Variants in GRIN2A observed in about 807,000 individuals in gnomAD.
The protein encoded by GRIN2A is glutamate receptor ionotropic, NMDA 2A.
GRIN2A carries 22 observed loss-of-function variants against 113.4 expected under a neutral mutation model. The observed-to-expected ratio is 0.19, with a 90% CI of 0.14 to 0.28. The LOEUF (loss-of-function observed/expected upper bound fraction) is 0.28, where lower values mean the gene tolerates loss of function less well. GRIN2A is among the 10% of genes least tolerant of loss of function. The probability of loss-of-function intolerance (pLI) is 1.00; values close to 1 mark genes in which losing one functional copy is unlikely to be tolerated. For missense variants in GRIN2A, 1,502 were observed against 1,887.0 expected, an observed-to-expected ratio of 0.80 and a Z score of 3.78; for synonymous variants, 827 against 738.4, an observed-to-expected ratio of 1.12 and a Z score of -1.94.
intron 11 of GRIN2A, among the ~76,000 whole-genome samples, chr16:9,787,974 G>A (rs1902333371): frequency 6.6e-6 from 1 of 152,230 alleles, no homozygotes; most frequent in Admixed American, 6.5e-5. Flanking sequence ...CTCCAAGGCA[G>A]GAGTGAGTCA....
intron 2 of GRIN2A, among the ~76,000 whole-genome samples, chr16:9,960,271 G>A (rs543744321): frequency 2.0e-5 from 3 of 152,296 alleles, no homozygotes; most frequent in South Asian, 2.1e-4. Context: ...GAGATTACAT[G>A]AAAAAGTTGG....
chr16:9,906,879 G>A (rs1054030575), intron 3 of GRIN2A, among the ~76,000 whole-genome samples: 3 of 152,200 alleles, frequency 2.0e-5, no homozygotes, highest in South Asian at 2.1e-4. Flanking sequence ...GTCTTGCTGT[G>A]TTGCCCAGGC....
chr16:10,180,263 T>C lies in GRIN2A; in HGVS notation c.149A>G (p.Glu50Gly), dbSNP rs1171000379. 1 of 1,613,782 alleles carries C rather than the reference T, an allele frequency of 6.2e-7. No homozygotes were observed. The highest frequency in any genetic ancestry group is 8.5e-7 in the Non-Finnish European group (1 of 1,180,000). The change falls in exon 2 of 13, where the codon GAA becomes GGA. Residue 50 changes from glutamate to glycine, a missense_variant. By Grantham distance (98) the Glu-to-Gly change is moderately conservative (BLOSUM62 -2). Transcript: ENST00000330684. The surrounding 1 kb of genome is among the most constrained non-coding windows in gnomAD (Gnocchi z 7.0). ...CTCGGGGCCCCACAGTGTTCGAAGT[T>C]CGCGCTCTGTCACGTCGTGGCTGTG... ...LGHSHDVTER[E>G]LRTLWGPEQA...
intron 2 of GRIN2A, among the ~76,000 whole-genome samples, chr16:9,986,624 G>A (rs1047476960): frequency 4.6e-5 from 7 of 151,894 alleles, no homozygotes; most frequent in African/African-American, 1.7e-4. Flanking sequence ...AATTAGCCAG[G>A]CGTGCTGGCG....
intron 10 of GRIN2A, among the ~76,000 whole-genome samples, chr16:9,815,021 CAAAAAAAAA>C (rs60827287): frequency 1.2e-4 from 9 of 76,340 alleles, no homozygotes; most frequent in South Asian, 5.2e-4. Flanking sequence ...AACTCCGTTT[CAAAAAAAAA>C]AAAAAAAAAA....
chr16:9,801,794 G>T (rs191003731), intron 10 of GRIN2A, among the ~76,000 whole-genome samples: 180 of 152,286 alleles, frequency 1.2e-3, no homozygotes, highest in Non-Finnish European at 2.3e-3. Context: ...TCTGGCCATG[G>T]AGGCACACAA....
At chr16:9,773,143 T>G (rs1472872712) in intron 11 of GRIN2A, among the ~76,000 whole-genome samples, 1 of 152,240 alleles carries the variant, frequency 6.6e-6, no homozygotes, top group African/African-American at 2.4e-5. Context: ...TTTGATATTT[T>G]TCGTGGCCTG....
chr16:9,781,573 C>A (rs1013506416), intron 11 of GRIN2A, among the ~76,000 whole-genome samples: 5 of 152,114 alleles, frequency 3.3e-5, no homozygotes, highest in Non-Finnish European at 7.4e-5. Context: ...GTTGCCCAGG[C>A]TAGTCTTGAA....
intron 11 of GRIN2A, among the ~76,000 whole-genome samples, chr16:9,777,565 C>A (rs902189144): frequency 5.3e-5 from 8 of 152,184 alleles, no homozygotes. Flanking sequence ...TTAAATGTAT[C>A]CAGTTAGAGG....
At chr16:10,117,800 C>T (rs1001783220) in intron 2 of GRIN2A, among the ~76,000 whole-genome samples, 1 of 152,198 alleles carries the variant, frequency 6.6e-6, no homozygotes, top group Non-Finnish European at 1.5e-5. Flanking sequence ...AAAAAATACA[C>T]AGGTTCATTC....
At chr16:9,966,170 G>T (rs1405315436) in intron 2 of GRIN2A, among the ~76,000 whole-genome samples, 2 of 152,100 alleles carry the variant, frequency 1.3e-5, no homozygotes, top group African/African-American at 4.8e-5. Flanking sequence ...TGTTACACAG[G>T]TAAACTTGTG....
chr16:9,953,779 G>C (rs1390611925), intron 2 of GRIN2A, among the ~76,000 whole-genome samples: 1 of 152,160 alleles, frequency 6.6e-6, no homozygotes, highest in African/African-American at 2.4e-5. Flanking sequence ...TGTCCAGGAA[G>C]ACAAAGGCTG....
intron 2 of GRIN2A, among the ~76,000 whole-genome samples, chr16:10,016,102 G>C (rs916237448): frequency 9.8e-5 from 11 of 111,954 alleles, no homozygotes; most frequent in Non-Finnish European, 1.4e-4. Context: ...GGTGACAAGA[G>C]TGAAACTCCA....
chr16:9,940,412 T>C (rs571467580), intron 2 of GRIN2A, among the ~76,000 whole-genome samples: 2 of 152,292 alleles, frequency 1.3e-5, no homozygotes, highest in African/African-American at 4.8e-5. Context: ...ATAATTATTG[T>C]TTTCCCTACA....
chr16:10,107,868 T>C (rs2048528442), intron 2 of GRIN2A, among the ~76,000 whole-genome samples: 1 of 152,148 alleles, frequency 6.6e-6, no homozygotes, highest in Non-Finnish European at 1.5e-5. Context: ...ATCAAGGCAG[T>C]GGGGGTACAG....
intron 2 of GRIN2A, chr16:10,031,593 T>A (rs2046930029): frequency 6.6e-6 from 1 of 152,256 alleles, no homozygotes; most frequent in South Asian, 2.1e-4. Flanking sequence ...TAATTACCCA[T>A]GGAATGGTGA....
intron 2 of GRIN2A, among the ~76,000 whole-genome samples, chr16:10,092,588 CCT>C (rs1435915123): frequency 6.6e-6 from 1 of 152,092 alleles, no homozygotes; most frequent in African/African-American, 2.4e-5. Context: ...TGTGACATGC[CCT>C]GTTTCAAACA....
intron 3 of GRIN2A, among the ~76,000 whole-genome samples, chr16:9,899,016 C>T (rs376965940): frequency 2.0e-4 from 30 of 152,164 alleles, no homozygotes; most frequent in South Asian, 1.2e-3. Context: ...AATATCCTTG[C>T]GCTGTCTTTT....
chr16:10,127,764 G>C (rs139198756), intron 2 of GRIN2A, among the ~76,000 whole-genome samples: 1 of 152,132 alleles, frequency 6.6e-6, no homozygotes, highest in African/African-American at 2.4e-5. Flanking sequence ...CGCTATCTAC[G>C]TAAGTCATCC....
Sources: gnomAD v4.1 joint callset for allele counts (sites outside exome capture counted in the v4.1 genomes callset) on GRCh38, gnomAD v4.1.1 for gene constraint, Gnocchi (gnomAD v3.1) non-coding constraint, MANE v1.5 for transcripts, NCBI Gene and HGNC (gene_info 2026-07-23, HGNC 2026-07-21) for gene names.